The following HDLBP variants were observed in gnomAD, a reference collection of about 807,000 sequenced individuals.
The protein encoded by HDLBP is high density lipoprotein binding protein.
Under a neutral mutation model 137.3 loss-of-function variants are expected in HDLBP, and 30 were observed. The ratio of observed to expected loss-of-function variants is 0.22; its 90% CI spans 0.16 to 0.30. HDLBP has a LOEUF of 0.30. Among genes scored for constraint, HDLBP ranks in the 10% least tolerant of loss-of-function variants. HDLBP has a pLI of 1.00. For synonymous variants in HDLBP, 606 were observed against 596.0 expected (o/e 1.02, Z -0.24); for missense variants, 1,119 against 1,667.3 (o/e 0.67, Z 5.73).
chr2:241,267,326 C>T (rs1320122379), intron 2 of HDLBP, among the ~76,000 whole-genome samples: 1 of 152,164 alleles, frequency 6.6e-6, no homozygotes, highest in Non-Finnish European at 1.5e-5. Context: ...CAAGTTTGTC[C>T]TAGAACAGCT....
chr2:241,267,934 T>C (rs1336880092), intron 2 of HDLBP: 5 of 985,336 alleles, frequency 5.1e-6, no homozygotes, highest in Non-Finnish European at 4.8e-6. Context: ...AGCTCCCTTA[T>C]GTGAAAAATG....
rs78379754 is a variant in HDLBP at position 241,235,022 on chromosome 2, C to G, written c.3144+99G>C. On this transcript the variant is annotated intron_variant, in intron 23 of 27. Coordinates refer to ENST00000310931, the MANE Select transcript of HDLBP (RefSeq NM_005336.6). The stretch of plus-strand genomic sequence containing the variant: ...GCATCTCACCTCCAGCCAGATGTCG[C>G]TGGGATGCTGGGATCCTGAAGAACT... 908 of 1,440,860 alleles carry G rather than the reference C, an allele frequency of 6.3e-4. 5 individuals carry two copies. The African/African-American group carries it at 0.011, about 18-fold the overall frequency. The allele number at this position is 1,440,860 out of a possible 1,614,324, so 89.3% of individuals were successfully genotyped here.
intron 5 of HDLBP, among the ~76,000 whole-genome samples, chr2:241,262,508 G>A (rs1239743419): frequency 6.6e-6 from 1 of 152,090 alleles, no homozygotes; most frequent in East Asian, 1.9e-4. Context: ...GAGCAAAAAT[G>A]GTAAGTGTCC....
intron 1 of HDLBP, among the ~76,000 whole-genome samples, chr2:241,282,726 C>T (rs2074651562): frequency 6.6e-6 from 1 of 152,174 alleles, no homozygotes; most frequent in African/African-American, 2.4e-5. Flanking sequence ...TGGAGTGCCA[C>T]AAACCACGCT....
rs754727852 is a variant in HDLBP, at chr2:241,235,511, G to A, written c.2988C>T (p.Arg996=). ...YVIGQKGSGI[R]KMMDEFEVNI... ...CTACCTCAAACTCATCCATCATCTT[G>A]CGGATCCCACTTCCTTTCTGCCCAA... The change falls in exon 22 of 28, where the codon CGC becomes CGT. Residue 996 remains arginine, a synonymous_variant. Transcript: ENST00000310931. 2.7e-5 allele frequency: 44 copies of A among 1,613,768 alleles called. No homozygotes were observed. The highest frequency in any genetic ancestry group is 3.6e-5 in the Non-Finnish European group (43 of 1,179,768).
intron 4 of HDLBP, among the ~76,000 whole-genome samples, chr2:241,263,497 A>G (rs2073370892): frequency 6.6e-6 from 1 of 152,136 alleles, no homozygotes; most frequent in African/African-American, 2.4e-5. Context: ...GGTGGAAGCA[A>G]GAGGGATCAA....
At chr2:241,267,546 T>G in intron 2 of HDLBP, 2 of 1,529,000 alleles carry the variant, frequency 1.3e-6, no homozygotes, top group Non-Finnish European at 1.8e-6. Context: ...AACAGCGACC[T>G]TGGTTATTCT....
At chr2:241,282,777 T>C (rs889560491) in intron 1 of HDLBP, among the ~76,000 whole-genome samples, 2 of 152,218 alleles carry the variant, frequency 1.3e-5, no homozygotes, top group East Asian at 1.9e-4. Context: ...GCTGTGTGTG[T>C]TCTGACTGCT....
At chr2:241,314,552 A>G (rs2149744865) in intron 1 of HDLBP, among the ~76,000 whole-genome samples, 1 of 152,360 alleles carries the variant, frequency 6.6e-6, no homozygotes, top group South Asian at 2.1e-4. Flanking sequence ...ATGTTCCTTA[A>G]GATTACGACT....
chr2:241,229,785 C>A (rs779996804), intron 27 of HDLBP, 48 bp downstream of exon 27: 2 of 505,740 alleles, frequency 4.0e-6, no homozygotes, highest in East Asian at 6.5e-5. Flanking sequence ...AGCCCGCCTG[C>A]CCGCCCACCC....
chr2:241,282,271 T>C (rs1432001066), intron 1 of HDLBP, among the ~76,000 whole-genome samples: 1 of 152,234 alleles, frequency 6.6e-6, no homozygotes, highest in Non-Finnish European at 1.5e-5. Context: ...ATTTGTATTT[T>C]AAAATGCAAG....
At chr2:241,310,867 C>G (rs1017266922) in intron 1 of HDLBP, among the ~76,000 whole-genome samples, 1 of 152,200 alleles carries the variant, frequency 6.6e-6, no homozygotes, top group African/African-American at 2.4e-5. Context: ...TCACTCCCAG[C>G]ACTTCGGGAG....
Position 241,236,868 on chromosome 2 carries a change from G to C in HDLBP, c.2750-99C>G, listed in dbSNP as rs914476610. ...TCTGTGAGGCACCTGCTGGGTGCTG[G>C]GTGGTAAAAGGGAGGGAAAACCACT... On this transcript the variant is annotated intron_variant, in intron 20 of 27. Transcript: ENST00000310931. 7.7e-6 allele frequency: 10 copies of C among 1,302,384 alleles called. No individual in the cohort carries two copies. In the East Asian group the frequency reaches 2.3e-4, roughly 30 times the overall value. The allele number at this position is 1,302,384 out of a possible 1,614,324, so 80.7% of individuals were successfully genotyped here.
intron 1 of HDLBP, among the ~76,000 whole-genome samples, chr2:241,312,591 A>G (rs1039693378): frequency 6.6e-6 from 1 of 152,204 alleles, no homozygotes; most frequent in African/African-American, 2.4e-5. Context: ...ACTTTGTGTC[A>G]TCATAACTTG....
rs770374709 is a variant in HDLBP at position 241,248,292 on chromosome 2, A to G, written c.1569T>C (p.Ile523=). Residue 523 remains isoleucine, a synonymous_variant, in exon 13 of 28, where the codon ATT becomes ATC. Coordinates refer to ENST00000310931, the MANE Select transcript of HDLBP (RefSeq NM_005336.6). ...CACGGATCCGTTCACCCTTCTGCCC[A>G]ATGATTGTGCGATGAAATCTTTGCT... The part of the protein sequence containing the change: ...IIEQRFHRTI[I]GQKGERIREI... The G allele has an allele frequency of 1.2e-6, 2 of 1,614,144 alleles. No individual in the cohort carries two copies. The highest frequency in any genetic ancestry group is 2.2e-5 in the East Asian group (1 of 44,882).
intron 1 of HDLBP, among the ~76,000 whole-genome samples, chr2:241,276,928 T>C (rs576457535): frequency 6.6e-6 from 1 of 151,802 alleles, no homozygotes; most frequent in Admixed American, 6.6e-5. Context: ...ATCTACTTTA[T>C]TGAACACATG....
intron 1 of HDLBP, among the ~76,000 whole-genome samples, chr2:241,303,992 G>A (rs1271783305): frequency 3.3e-5 from 5 of 152,068 alleles, no homozygotes; most frequent in Non-Finnish European, 7.4e-5. Flanking sequence ...TCTATATTTT[G>A]TAGAGATGGG....
intron 1 of HDLBP, chr2:241,269,474 G>C (rs1031034016): frequency 2.0e-5 from 3 of 152,174 alleles, no homozygotes; most frequent in African/African-American, 7.2e-5. Context: ...TCCAGCAGAG[G>C]ATGTGGACTG....
intron 1 of HDLBP, among the ~76,000 whole-genome samples, chr2:241,288,168 CAG>C: frequency 6.6e-6 from 1 of 152,340 alleles, no homozygotes. Flanking sequence ...CAGTGAAAAA[CAG>C]AGTCACAAAA....
Sources: gnomAD v4.1 joint callset for allele counts (sites outside exome capture counted in the v4.1 genomes callset) on GRCh38, gnomAD v4.1.1 for gene constraint, MANE v1.5 for transcripts, NCBI Gene and HGNC (gene_info 2026-07-23, HGNC 2026-07-21) for gene names.